RPS6KC1: variants seen among roughly 807,000 people sequenced by gnomAD.
The protein encoded by RPS6KC1 is inactive ribosomal protein S6 kinase delta-1.
A neutral mutation model predicts 103.8 loss-of-function variants in RPS6KC1; 54 were observed. The ratio of observed to expected loss-of-function variants is 0.52; its 90% CI spans 0.42 to 0.65. The LOEUF is 0.65. Ranked by LOEUF, RPS6KC1 falls within the 30% of genes least tolerant of loss-of-function variation. RPS6KC1 has a pLI of 0.00. For synonymous variants in RPS6KC1, 439 were observed against 438.7 expected (o/e 1.00, Z -0.01); for missense variants, 1,151 against 1,253.8 (o/e 0.92, Z 1.24).
At chr1:213,216,517 G>A (rs558933146) in intron 8 of RPS6KC1, among the ~76,000 whole-genome samples, 35 of 152,220 alleles carry the variant, frequency 2.3e-4, no homozygotes, top group Admixed American at 5.2e-4. Flanking sequence ...TGCACCAAGT[G>A]GACCTAATAG....
the RPS6KC1 span, among the ~76,000 whole-genome samples, chr1:213,293,693 A>C: frequency 1.3e-5 from 2 of 152,134 alleles, no homozygotes; most frequent in Non-Finnish European, 2.9e-5. Context: ...AACAAGTTTA[A>C]AGAAACTGTA....
the RPS6KC1 span, among the ~76,000 whole-genome samples, chr1:213,335,896 C>G: frequency 6.6e-6 from 1 of 152,166 alleles, no homozygotes; most frequent in Admixed American, 6.5e-5. Context: ...GTGAAAAGGC[C>G]AAGGAGGTGA....
At chr1:213,765,031 T>C in the RPS6KC1 span, among the ~76,000 whole-genome samples, 1 of 152,146 alleles carries the variant, frequency 6.6e-6, no homozygotes, top group African/African-American at 2.4e-5. Flanking sequence ...CAGGCTTCTG[T>C]GGCAGGCCTA....
chr1:213,440,480 A>G, the RPS6KC1 span, among the ~76,000 whole-genome samples: 1 of 152,034 alleles, frequency 6.6e-6, no homozygotes, highest in Non-Finnish European at 1.5e-5. Flanking sequence ...GTTAATATAA[A>G]CAAGTAACTC....
the RPS6KC1 span, among the ~76,000 whole-genome samples, chr1:213,680,000 A>T: frequency 6.6e-6 from 1 of 152,096 alleles, no homozygotes; most frequent in Non-Finnish European, 1.5e-5. Context: ...ATTTGCTTTA[A>T]TTTTTTTTAA....
chr1:213,693,108 T>TG, the RPS6KC1 span, among the ~76,000 whole-genome samples: 2 of 152,182 alleles, frequency 1.3e-5, no homozygotes, highest in Admixed American at 1.3e-4. Flanking sequence ...TATATCTGCT[T>TG]TCTCTCTCTG....
chr1:213,789,544 GC>G, the RPS6KC1 span, among the ~76,000 whole-genome samples: 1 of 152,150 alleles, frequency 6.6e-6, no homozygotes, highest in East Asian at 1.9e-4. Context: ...TGAGCACATA[GC>G]CCATGCACCT....
chr1:213,304,178 C>G, the RPS6KC1 span, among the ~76,000 whole-genome samples: 101 of 136,304 alleles, frequency 7.4e-4, 1 homozygote, highest in African/African-American at 2.7e-3. Flanking sequence ...TGCACTCCAG[C>G]CTGGGCGACA....
At chr1:213,631,038 C>A in the RPS6KC1 span, among the ~76,000 whole-genome samples, 8 of 152,104 alleles carry the variant, frequency 5.3e-5, no homozygotes, top group Admixed American at 3.3e-4. Context: ...TCCTGGTGTG[C>A]CGTTTGCTAA....
the RPS6KC1 span, among the ~76,000 whole-genome samples, chr1:213,442,800 G>C: frequency 6.6e-6 from 1 of 151,996 alleles, no homozygotes; most frequent in Non-Finnish European, 1.5e-5. Context: ...GGCTCCCCTG[G>C]GGACGCTGTG....
At chr1:213,117,849 C>A (rs971300494) in intron 5 of RPS6KC1, among the ~76,000 whole-genome samples, 1 of 150,864 alleles carries the variant, frequency 6.6e-6, no homozygotes, top group Admixed American at 6.6e-5. Context: ...GTGGTGAAAC[C>A]CTGTCTCTAC....
At chr1:213,396,927 C>T in the RPS6KC1 span, among the ~76,000 whole-genome samples, 1 of 152,272 alleles carries the variant, frequency 6.6e-6, no homozygotes, top group Admixed American at 6.5e-5. Flanking sequence ...TCCACGATGG[C>T]CAGGGTGTTG....
intron 8 of RPS6KC1, among the ~76,000 whole-genome samples, chr1:213,178,031 T>G (rs1263577265): frequency 2.4e-4 from 35 of 147,994 alleles, no homozygotes; most frequent in Non-Finnish European, 4.5e-4. Flanking sequence ...GGTGAGACCC[T>G]GCGTCTACAA....
intron 6 of RPS6KC1, among the ~76,000 whole-genome samples, chr1:213,142,423 A>G (rs2087172020): frequency 1.3e-5 from 2 of 152,062 alleles, no homozygotes; most frequent in South Asian, 4.1e-4. Context: ...TTTGGATGTA[A>G]GGAGACACTC....
the RPS6KC1 span, among the ~76,000 whole-genome samples, chr1:213,536,893 G>A: frequency 2.0e-3 from 309 of 152,246 alleles, 2 homozygotes; most frequent in African/African-American, 7.3e-3. Flanking sequence ...AGAGCCCAGT[G>A]GGGGGCGGGC....
At chr1:213,256,566 T>A (rs2094648155) in intron 12 of RPS6KC1, among the ~76,000 whole-genome samples, 1 of 151,070 alleles carries the variant, frequency 6.6e-6, no homozygotes, top group African/African-American at 2.4e-5. Flanking sequence ...AAAAATCTCA[T>A]GATGTTTTAA....
At chr1:213,806,864 C>T in the RPS6KC1 span, among the ~76,000 whole-genome samples, 2 of 151,506 alleles carry the variant, frequency 1.3e-5, no homozygotes, top group Admixed American at 6.6e-5. Context: ...GATGCAGTTT[C>T]TTCCTAGTCT....
chr1:213,826,058 T>G, the RPS6KC1 span, among the ~76,000 whole-genome samples: 3 of 152,320 alleles, frequency 2.0e-5, no homozygotes, highest in South Asian at 6.2e-4. Context: ...TCAAAATGAT[T>G]TACTAAGTAA....
the RPS6KC1 span, among the ~76,000 whole-genome samples, chr1:213,587,846 CA>C: frequency 2.6e-5 from 4 of 152,190 alleles, no homozygotes; most frequent in Non-Finnish European, 5.9e-5. Context: ...TCAACTCAGC[CA>C]AATTGGAGGG....
Sources: gnomAD v4.1 joint callset for allele counts (sites outside exome capture counted in the v4.1 genomes callset) on GRCh38, gnomAD v4.1.1 for gene constraint, MANE v1.5 for transcripts, NCBI Gene and HGNC (gene_info 2026-07-23, HGNC 2026-07-21) for gene names.